The following PREP variants were observed in gnomAD, a reference collection of about 807,000 sequenced individuals.
The protein encoded by PREP is prolyl endopeptidase, also known as dJ355L5.1 (prolyl endopeptidase).
A neutral mutation model predicts 87.6 loss-of-function variants in PREP; 29 were observed. The ratio of observed to expected loss-of-function variants is 0.33; its 90% CI spans 0.25 to 0.45. The LOEUF is 0.45. PREP is among the 20% of genes least tolerant of loss of function. PREP has a pLI of 1.00. For synonymous variants in PREP, 337 were observed against 328.6 expected, an observed-to-expected ratio of 1.03 and a Z score of -0.28; for missense variants, 695 against 886.5, an observed-to-expected ratio of 0.78 and a Z score of 2.74.
chr6:105,402,860 C>T lies in PREP; in HGVS notation c.32G>A (p.Arg11His). 5 of 1,544,794 alleles carry T rather than the reference C, an allele frequency of 3.2e-6. No individual in the cohort carries two copies. Among genetic ancestry groups the T allele is most frequent in the Non-Finnish European group, 3.5e-6 (4 of 1,143,598 alleles). Residue 11 changes from arginine (R) to histidine (H), a missense_variant, in exon 1 of 15, where the codon CGC becomes CAC. Transcript: ENST00000652536. MLSLQYPDVY[R>H]DETAVQDYHG... is the part of the protein sequence containing the mutation. Reference sequence around the variant, plus strand: ...AGAGATACTTACGGCGGTCTCGTCGCGGTACACGTCGGGGTACTGAAGGGA... The same window carrying T: ...AGAGATACTTACGGCGGTCTCGTCGTGGTACACGTCGGGGTACTGAAGGGA...
chr6:105,371,781 C>T (rs927193580), intron 5 of PREP, among the ~76,000 whole-genome samples: 4 of 152,032 alleles, frequency 2.6e-5, no homozygotes, highest in South Asian at 4.1e-4. Flanking sequence ...GTAAGGCTCC[C>T]ATCACAGTCT....
chr6:105,353,518 C>A (rs1409075143), intron 6 of PREP, among the ~76,000 whole-genome samples: 1 of 151,952 alleles, frequency 6.6e-6, no homozygotes, highest in Non-Finnish European at 1.5e-5. Context: ...CGCCTGTAAT[C>A]CCAGCACTTT....
chr6:105,387,203 C>A (rs1773020445), intron 2 of PREP, among the ~76,000 whole-genome samples: 1 of 147,908 alleles, frequency 6.8e-6, no homozygotes, highest in African/African-American at 2.6e-5. Flanking sequence ...GGTGACAGAG[C>A]AAGCCTCCAT....
intron 10 of PREP, among the ~76,000 whole-genome samples, chr6:105,316,468 A>C (rs551419895): frequency 1.2e-4 from 19 of 152,374 alleles, no homozygotes; most frequent in African/African-American, 4.6e-4. Flanking sequence ...AGCTTGAAAC[A>C]TTGTGAGAAT....
chr6:105,304,346 C>G (rs1274371785), intron 10 of PREP, among the ~76,000 whole-genome samples: 1 of 152,184 alleles, frequency 6.6e-6, no homozygotes, highest in Non-Finnish European at 1.5e-5. Context: ...GAACCAATCC[C>G]CTGTGGAATG....
chr6:105,353,032 A>G lies in PREP; in HGVS notation c.763T>C (p.Cys255Arg). ...RYVLLSIREG[C>R]DPVNRLWYCD... ...TACCAGAGTCGGTTTACTGGATCAC[A>G]TCCTTCCCTTATTGATAACAAGACA... Residue 255 changes from cysteine to arginine, a missense_variant, in exon 7 of 15, where the codon TGT becomes CGT. Physicochemically the swap from Cys to Arg is radical, Grantham distance 180. Transcript: ENST00000652536. The G allele has an allele frequency of 6.2e-7, 1 of 1,614,136 alleles. No homozygotes were observed. Among genetic ancestry groups the G allele is most frequent in the South Asian group, 1.1e-5 (1 of 91,088 alleles).
At chr6:105,388,156 C>A (rs1351053701) in intron 2 of PREP, among the ~76,000 whole-genome samples, 1 of 148,976 alleles carries the variant, frequency 6.7e-6, no homozygotes, top group Non-Finnish European at 1.5e-5. Flanking sequence ...AAAGAGGGTC[C>A]CTGGGGCTTC....
intron 10 of PREP, among the ~76,000 whole-genome samples, chr6:105,304,306 C>T (rs752675625): frequency 8.5e-5 from 13 of 152,178 alleles, no homozygotes; most frequent in Non-Finnish European, 1.5e-4. Flanking sequence ...CTTGAACATC[C>T]TCAGATTTCG....
intron 1 of PREP, among the ~76,000 whole-genome samples, chr6:105,401,010 C>T (rs72939789): frequency 2.0e-5 from 3 of 152,168 alleles, no homozygotes; most frequent in African/African-American, 7.2e-5. Flanking sequence ...AGGAGCCACA[C>T]AACAAGATCC....
At position 105,387,621 on chromosome 6, in the gene PREP, GA is replaced by G. The variant is rs907475481; in HGVS notation, c.121-10103del. On this transcript the variant is annotated intron_variant, in intron 2 of 14. Transcript: ENST00000652536. ...AGCTGATGAGCTAAAAAAAAAAAAAGAAAAAAAGAAAAAAAGAAAAAGAAAA... is the reference window on the plus strand; with the variant it reads ...AGCTGATGAGCTAAAAAAAAAAAAAGAAAAAAGAAAAAAAGAAAAAGAAAA... Among the ~76,000 whole-genome samples, 29 of 60,048 alleles carry G rather than the reference GA, an allele frequency of 4.8e-4. 1 individual carries two copies. The highest frequency in any genetic ancestry group is 2.9e-3 in the Admixed American group (22 of 7,680). 39.4% of individuals were successfully genotyped at this position (60,048 alleles called of 152,430 possible).
intron 14 of PREP, 141 bp downstream of exon 14, chr6:105,281,605 G>A: frequency 1.0e-6 from 1 of 998,134 alleles, no homozygotes; most frequent in Non-Finnish European, 1.4e-6. Flanking sequence ...AAGACAAGTA[G>A]GTAGTCCCAT....
intron 10 of PREP, among the ~76,000 whole-genome samples, chr6:105,291,123 TA>T (rs59869341): frequency 2.0e-5 from 3 of 151,940 alleles, no homozygotes; most frequent in Non-Finnish European, 2.9e-5. Context: ...GCTTTATTGC[TA>T]AAAAAAACAC....
At chr6:105,285,729 A>C in intron 11 of PREP, 149 bp from the exon 12 acceptor site, 1 of 635,912 alleles carries the variant, frequency 1.6e-6, no homozygotes, top group South Asian at 2.0e-5. Flanking sequence ...TGCTTGATTA[A>C]AGTGAAAAAC....
intron 8 of PREP, 30 bp from the exon 9 acceptor site, chr6:105,329,056 T>A: frequency 6.3e-7 from 1 of 1,581,986 alleles, no homozygotes; most frequent in Non-Finnish European, 8.7e-7. Context: ...AAAAACCTAA[T>A]GCAATTTAAA....
chr6:105,296,586 C>T (rs1322576877), intron 10 of PREP, among the ~76,000 whole-genome samples: 1 of 152,132 alleles, frequency 6.6e-6, no homozygotes, highest in Non-Finnish European at 1.5e-5. Context: ...GATCTAACTA[C>T]TTTTCCCCAA....
intron 3 of PREP, among the ~76,000 whole-genome samples, chr6:105,377,111 T>A (rs1358786042): frequency 6.6e-6 from 1 of 152,196 alleles, no homozygotes; most frequent in East Asian, 1.9e-4. Flanking sequence ...CTATGAATCA[T>A]CCTATCTCAC....
At chr6:105,309,004 C>T (rs1047073119) in intron 10 of PREP, among the ~76,000 whole-genome samples, 2 of 151,976 alleles carry the variant, frequency 1.3e-5, no homozygotes, top group Admixed American at 1.3e-4. Context: ...AGGGGCAGTC[C>T]AGGCAGAGGG....
chr6:105,400,370 T>C (rs1481853186), intron 1 of PREP, among the ~76,000 whole-genome samples: 2 of 152,204 alleles, frequency 1.3e-5, no homozygotes, highest in Non-Finnish European at 2.9e-5. Context: ...CCATCAAACC[T>C]GCCCTGCTCA....
chr6:105,291,147 G>A (rs2114617926), intron 10 of PREP, among the ~76,000 whole-genome samples: 1 of 152,312 alleles, frequency 6.6e-6, no homozygotes, highest in African/African-American at 2.4e-5. Context: ...ATGGTTATCT[G>A]AGACTTCAGC....
Sources: gnomAD v4.1 joint callset for allele counts (sites outside exome capture counted in the v4.1 genomes callset) on GRCh38, gnomAD v4.1.1 for gene constraint, MANE v1.5 for transcripts, NCBI Gene and HGNC (gene_info 2026-07-23, HGNC 2026-07-21) for gene names.